ZNF560: variants seen among roughly 807,000 people sequenced by gnomAD.
ZNF560 encodes the protein zinc finger protein 560.
A neutral mutation model predicts 81.8 loss-of-function variants in ZNF560; 54 were observed. The observed-to-expected ratio is 0.66, with a 90% CI of 0.53 to 0.83. ZNF560 has a LOEUF of 0.83. Ranked by LOEUF, ZNF560 falls within the 40% of genes least tolerant of loss-of-function variation. The probability of loss-of-function intolerance (pLI) is 0.00; values close to 1 mark genes in which losing one functional copy is unlikely to be tolerated. For missense variants in ZNF560, 940 were observed against 932.4 expected (o/e 1.01, Z -0.11); for synonymous variants, 321 against 317.9 (o/e 1.01, Z -0.10).
In ZNF560 at chr19:9,467,004, C is replaced by A. The variant is rs752090845; in HGVS notation, c.1943G>T (p.Arg648Ile). The part of the protein sequence containing the change: ...VVSSSLVDHL[R>I]THTGYKPYKC... Reference sequence around the variant, plus strand: ...ATAGGGTTTATATCCAGTGTGAGTTCTTAAATGATCAACTAGACTGGAGGA... The same window carrying A: ...ATAGGGTTTATATCCAGTGTGAGTTATTAAATGATCAACTAGACTGGAGGA... The change falls in exon 10 of 10, where the codon AGA (arginine) becomes ATA (isoleucine). Residue 648 changes from arginine (R) to isoleucine (I), a missense_variant. Transcript: ENST00000301480. The A allele has an allele frequency of 1.9e-6, 3 of 1,613,888 alleles. No individual in the cohort carries two copies. The highest frequency in any genetic ancestry group is 2.7e-5 in the African/African-American group (2 of 74,882).
At chr19:9,498,966 C>G (rs1317752493), upstream of ZNF560, among the ~76,000 whole-genome samples, 1 of 152,272 alleles carries the variant, frequency 6.6e-6, no homozygotes, top group East Asian at 1.9e-4. Context: ...TTCCTGGACC[C>G]CTTTCAGGAT....
intron 2 of ZNF560, among the ~76,000 whole-genome samples, chr19:9,477,113 G>A (rs1015909692): frequency 4.6e-5 from 7 of 152,030 alleles, no homozygotes; most frequent in Admixed American, 2.6e-4. Flanking sequence ...AATAGTATAT[G>A]TTCTGTATAA....
the ZNF560 span, among the ~76,000 whole-genome samples, chr19:9,456,074 A>C: frequency 6.7e-4 from 102 of 152,338 alleles, no homozygotes; most frequent in African/African-American, 2.4e-3. Context: ...GAGAAACGCC[A>C]TGAGGGGCCA....
chr19:9,479,252 T>C (rs1353183744), intron 2 of ZNF560, among the ~76,000 whole-genome samples: 1 of 151,678 alleles, frequency 6.6e-6, no homozygotes, highest in Non-Finnish European at 1.5e-5. Context: ...ATGATTACTC[T>C]GAATGCACAC....
rs182112744 is a variant in ZNF560 at position 9,494,901 on chromosome 19, G to A, written c.-57+3227C>T. ...CAGACAGCAATAAGAGTGAAACTCC[G>A]TCTCAAAAAAAAACAAACAAACAAA... On this transcript the variant is annotated intron_variant, in intron 2 of 9. Coordinates refer to ENST00000301480, the MANE Select transcript of ZNF560 (RefSeq NM_152476.3). Among the ~76,000 whole-genome samples, 334 of 151,554 alleles carry A rather than the reference G, an allele frequency of 2.2e-3. 1 individual carries two copies. Among genetic ancestry groups the A allele is most frequent in the African/African-American group, 7.4e-3 (305 of 41,272 alleles).
At chr19:9,459,534 G>A in the ZNF560 span, among the ~76,000 whole-genome samples, 14 of 152,174 alleles carry the variant, frequency 9.2e-5, no homozygotes, top group African/African-American at 3.1e-4. Context: ...TACGAAGTAT[G>A]GCAGAGTCAA....
upstream of ZNF560, among the ~76,000 whole-genome samples, chr19:9,498,954 C>A (rs1216334427): frequency 2.6e-5 from 4 of 152,216 alleles, no homozygotes; most frequent in Non-Finnish European, 4.4e-5. Context: ...ACTTTCCCCA[C>A]GTTCCTGGAC....
intron 6 of ZNF560, 27 bp from the exon 7 acceptor site, chr19:9,470,545 G>C (rs753476067): frequency 2.5e-6 from 4 of 1,614,036 alleles, no homozygotes; most frequent in Non-Finnish European, 3.4e-6. Flanking sequence ...ATGCTGATTT[G>C]AGCCAAGCAA....
intron 9 of ZNF560, among the ~76,000 whole-genome samples, chr19:9,468,848 G>A (rs1429461789): frequency 6.6e-6 from 1 of 150,970 alleles, no homozygotes; most frequent in Non-Finnish European, 1.5e-5. Flanking sequence ...TTCTGCCTCA[G>A]CCTCACAAGT....
chr19:9,475,399 G>T, intron 2 of ZNF560, 30 bp from the exon 3 acceptor site: 1 of 1,338,152 alleles, frequency 7.5e-7, no homozygotes, highest in Non-Finnish European at 1.1e-6. Context: ...TAAGAGCCCA[G>T]ACATAATCAC....
At chr19:9,461,035 C>A in the ZNF560 span, among the ~76,000 whole-genome samples, 2 of 152,062 alleles carry the variant, frequency 1.3e-5, no homozygotes, top group African/African-American at 4.8e-5. Context: ...TATAGTGGCA[C>A]CTCAACCTCA....
At chr19:9,504,895 G>A in the ZNF560 span, among the ~76,000 whole-genome samples, 1 of 152,244 alleles carries the variant, frequency 6.6e-6, no homozygotes, top group South Asian at 2.1e-4. Flanking sequence ...GACCATCCTG[G>A]CCAACATAGT....
At chr19:9,497,173 T>C (rs2144734064) in intron 2 of ZNF560, among the ~76,000 whole-genome samples, 1 of 151,984 alleles carries the variant, frequency 6.6e-6, no homozygotes, top group Non-Finnish European at 1.5e-5. Flanking sequence ...AAACATTCCG[T>C]TATATTTTAG....
At chr19:9,473,757 T>C (rs1044129299) in intron 4 of ZNF560, among the ~76,000 whole-genome samples, 2 of 152,206 alleles carry the variant, frequency 1.3e-5, no homozygotes, top group Admixed American at 1.3e-4. Context: ...TTCATGCTTA[T>C]GTGCACATTT....
the ZNF560 span, among the ~76,000 whole-genome samples, chr19:9,505,382 TTCAC>T: frequency 6.6e-6 from 1 of 152,234 alleles, no homozygotes; most frequent in Admixed American, 6.5e-5. Context: ...TTCCCATCCT[TTCAC>T]TAACAGCCTA....
chr19:9,480,236 C>T (rs2073265687), intron 2 of ZNF560, among the ~76,000 whole-genome samples: 1 of 152,196 alleles, frequency 6.6e-6, no homozygotes, highest in Admixed American at 6.6e-5. Flanking sequence ...AAAACAACAA[C>T]AACAACAACA....
Position 9,475,385 on chromosome 19 carries a change from G to A in ZNF560, c.-56-16C>T. The A allele has an allele frequency of 4.1e-6, 6 of 1,471,500 alleles. No homozygotes were observed. The highest frequency in any genetic ancestry group is 5.7e-6 in the Non-Finnish European group (6 of 1,057,362). 91.2% of individuals were successfully genotyped at this position (1,471,500 alleles called of 1,614,324 possible). A position where few individuals can be genotyped will look rare whatever the true frequency, so the allele number is the denominator to read the frequency against. ...CTAGAAAGACCTGGAAAAGAAAGAA[G>A]GCATAAGAGCCCAGACATAATCACA... On this transcript the variant is annotated splice_polypyrimidine_tract_variant and intron_variant, in intron 2 of 9. Transcript: ENST00000301480.
the ZNF560 span, among the ~76,000 whole-genome samples, chr19:9,448,176 G>T: frequency 6.6e-6 from 1 of 152,228 alleles, no homozygotes; most frequent in East Asian, 1.9e-4. Context: ...TTCATTACCA[G>T]TAGACCAGCC....
chr19:9,449,974 C>CAAAAAAAA, the ZNF560 span, among the ~76,000 whole-genome samples: 1 of 43,376 alleles, frequency 2.3e-5, no homozygotes, highest in African/African-American at 7.2e-5. Context: ...AACTCTGTCT[C>CAAAAAAAA]AAAAAAAAAA....
Sources: allele counts gnomAD v4.1 joint callset (sites outside exome capture counted in the v4.1 genomes callset), GRCh38; gene constraint gnomAD v4.1.1; transcripts MANE v1.5; gene names NCBI Gene and HGNC (gene_info 2026-07-23, HGNC 2026-07-21).